COL5A1: variants seen among roughly 807,000 people sequenced by gnomAD.
The protein encoded by COL5A1 is collagen type V alpha 1 chain.
In COL5A1, 16 loss-of-function variants were observed where a neutral mutation model predicts 263.7. The observed-to-expected ratio is 0.06, with a 90% CI of 0.04 to 0.09. The LOEUF (loss-of-function observed/expected upper bound fraction) is 0.09, where lower values mean the gene tolerates loss of function less well. Ranked by LOEUF, COL5A1 falls within the 10% of genes least tolerant of loss-of-function variation. The pLI, the probability that COL5A1 is intolerant of heterozygous loss-of-function variation, is 1.00. For missense variants in COL5A1, 2,036 were observed against 2,540.5 expected (o/e 0.80, Z 4.27); for synonymous variants, 1,012 against 1,004.5 (o/e 1.01, Z -0.14).
At chr9:134,812,818 G>C in intron 48 of COL5A1, 106 bp downstream of exon 48, 2 of 812,350 alleles carry the variant, frequency 2.5e-6, no homozygotes, top group Non-Finnish European at 4.2e-6. Flanking sequence ...GCATGCACAC[G>C]CTTGTGGGGG....
At chr9:134,748,091 AGACATGCATC>A (rs1233867238) in intron 11 of COL5A1, among the ~76,000 whole-genome samples, 4 of 79,334 alleles carry the variant, frequency 5.0e-5, no homozygotes, top group Non-Finnish European at 8.9e-5. Flanking sequence ...ATGCATGCAC[AGACATGCATC>A]CACACATGCA....
intron 1 of COL5A1, among the ~76,000 whole-genome samples, chr9:134,643,905 T>C (rs1437847337): frequency 1.3e-5 from 2 of 151,972 alleles, no homozygotes; most frequent in Non-Finnish European, 2.9e-5. Context: ...GGGCTTGGGG[T>C]TCCATTTCCC....
At chr9:134,791,708 C>T (rs1211599725) in intron 32 of COL5A1, among the ~76,000 whole-genome samples, 3 of 151,160 alleles carry the variant, frequency 2.0e-5, no homozygotes, top group South Asian at 2.1e-4. Context: ...CAGATGCTGC[C>T]TCCCAGGTTT....
At chr9:134,693,846 A>G (rs1833369305) in intron 2 of COL5A1, among the ~76,000 whole-genome samples, 1 of 152,072 alleles carries the variant, frequency 6.6e-6, no homozygotes, top group Non-Finnish European at 1.5e-5. Context: ...ACACACAGGA[A>G]AGGGCTGTTT....
chr9:134,767,280 C>T, intron 23 of COL5A1, 30 bp from the exon 24 acceptor site: 1 of 1,612,728 alleles, frequency 6.2e-7, no homozygotes, highest in Non-Finnish European at 8.5e-7. Context: ...GCGCCCTCAC[C>T]TTCCCTTTCT....
At position 134,812,936 on chromosome 9, in the gene COL5A1, G is replaced by A. The variant is rs7874142; in HGVS notation, c.3852+224G>A. Reference sequence around the variant, plus strand: ...TGAAGGGCATTTTGAAATGTAGGCAGATGCTTGTGAAATGGAACTGGGAAC... The same window carrying A: ...TGAAGGGCATTTTGAAATGTAGGCAAATGCTTGTGAAATGGAACTGGGAAC... On this transcript the variant is annotated intron_variant, in intron 48 of 65. Transcript: ENST00000371817. Among the ~76,000 whole-genome samples the A allele has an allele frequency of 0.61, 92,792 of 151,694 alleles. 29,580 individuals are homozygous for A. The highest frequency in any genetic ancestry group is 0.81 in the African/African-American group (33,423 of 41,386).
chr9:134,730,488 C>T lies in COL5A1; in HGVS notation c.1164+13C>T. 6.2e-7 allele frequency: 1 copy of T among 1,613,896 alleles called. No individual in the cohort carries two copies. Among genetic ancestry groups the T allele is most frequent in the East Asian group, 2.2e-5 (1 of 44,882 alleles). ...CAACTCCTCCAATGTAATTTCTTTC[C>T]TTCCCATTGGTTTGGTCTGGGGCAG... On this transcript the variant is annotated intron_variant, in intron 7 of 65. Transcript: ENST00000371817.
At chr9:134,836,200 G>A (rs141185521) in intron 65 of COL5A1, among the ~76,000 whole-genome samples, 8 of 151,814 alleles carry the variant, frequency 5.3e-5, no homozygotes, top group African/African-American at 9.7e-5. Context: ...TCCAGGAATC[G>A]TTGTGTGGTG....
chr9:134,705,590 G>A (rs1316849094), intron 4 of COL5A1, among the ~76,000 whole-genome samples: 2 of 152,374 alleles, frequency 1.3e-5, no homozygotes, highest in East Asian at 1.9e-4. Context: ...AAAATGGGGC[G>A]ATAGGGCCAA....
chr9:134,679,606 G>A lies in COL5A1; in HGVS notation c.110-11306G>A, dbSNP rs1398284348. ...CACTGTGGGGCTGGTTGGGCACTGC[G>A]GGGCTGGTTGGGGGCACTGCGGGGC... On this transcript the variant is annotated intron_variant, in intron 1 of 65. Coordinates refer to ENST00000371817, the MANE Select transcript of COL5A1 (RefSeq NM_000093.5). Among the ~76,000 whole-genome samples the A allele has an allele frequency of 2.4e-3, 218 of 89,792 alleles. 3 individuals are homozygous for A. Among genetic ancestry groups the A allele is most frequent in the African/African-American group, 4.1e-3 (88 of 21,476 alleles). The allele number at this position is 89,792 out of a possible 152,430, so 58.9% of individuals were successfully genotyped here.
At chr9:134,748,692 A>G (rs752236750) in intron 11 of COL5A1, among the ~76,000 whole-genome samples, 18 of 152,232 alleles carry the variant, frequency 1.2e-4, no homozygotes, top group Non-Finnish European at 2.2e-4. Context: ...TCAGAAATAT[A>G]CACATATATA....
chr9:134,774,396 AG>A (rs1357446066), intron 26 of COL5A1, among the ~76,000 whole-genome samples: 3 of 152,252 alleles, frequency 2.0e-5, no homozygotes, highest in Admixed American at 2.0e-4. Flanking sequence ...CATGAGCTCT[AG>A]TTGAGCATCG....
chr9:134,727,467 A>G, intron 5 of COL5A1, 70 bp downstream of exon 5: 1 of 1,555,178 alleles, frequency 6.4e-7, no homozygotes, highest in Non-Finnish European at 8.9e-7. Flanking sequence ...GAAGAGACAC[A>G]TAAGCCATGG....
At chr9:134,840,262 C>A (rs192137585) in intron 65 of COL5A1, among the ~76,000 whole-genome samples, 7 of 152,328 alleles carry the variant, frequency 4.6e-5, no homozygotes, top group African/African-American at 1.7e-4. Flanking sequence ...GCTGAGCCAG[C>A]TGCAGTAACA....
rs964981031 is a variant in COL5A1, at chr9:134,818,537, G to A, written c.4231-119G>A. The A allele has an allele frequency of 6.9e-6, 5 of 727,202 alleles. No individual in the cohort carries two copies. The East Asian group carries it at 1.1e-4, about 16-fold the overall frequency. The allele number at this position is 727,202 out of a possible 1,614,324, so 45.0% of individuals were successfully genotyped here. A position where few individuals can be genotyped will look rare whatever the true frequency, so the allele number is the denominator to read the frequency against. On this transcript the variant is annotated intron_variant, in intron 54 of 65. Transcript: ENST00000371817. This position sits in a 1 kb window ranked among gnomAD's most constrained non-coding sequence, Gnocchi z 6.0. ...AAATGTGGAGAATTAGGGCAACCCC[G>A]GATATGGGGTCACCTGGGACTCCTC...
chr9:134,726,006 T>C (rs1834635528), intron 4 of COL5A1, among the ~76,000 whole-genome samples: 1 of 152,238 alleles, frequency 6.6e-6, no homozygotes, highest in Non-Finnish European at 1.5e-5. Context: ...GTTCCGGAGA[T>C]TGGAATTACT....
chr9:134,730,140 C>T, intron 6 of COL5A1, 96 bp from the exon 7 acceptor site: 2 of 1,565,670 alleles, frequency 1.3e-6, no homozygotes, highest in Non-Finnish European at 1.7e-6. Flanking sequence ...GGCGTTGCCA[C>T]TGAGATGCCT....
intron 2 of COL5A1, chr9:134,691,839 T>G (rs1283525187): frequency 2.0e-5 from 3 of 152,352 alleles, no homozygotes; most frequent in South Asian, 4.1e-4. Context: ...GTGAGTTCAC[T>G]TTATGAGATG....
chr9:134,815,413 G>A (rs978499075), intron 50 of COL5A1, among the ~76,000 whole-genome samples, 163 bp from the exon 51 acceptor site: 3 of 152,358 alleles, frequency 2.0e-5, no homozygotes, highest in African/African-American at 7.2e-5. Context: ...GCACGTGGAA[G>A]GGTCTCTGGG....
Sources: allele counts gnomAD v4.1 joint callset (sites outside exome capture counted in the v4.1 genomes callset), GRCh38; gene constraint gnomAD v4.1.1; non-coding constraint Gnocchi (gnomAD v3.1); transcripts MANE v1.5; gene names NCBI Gene and HGNC (gene_info 2026-07-23, HGNC 2026-07-21).